The following KIFC3 variants were observed in gnomAD, a reference collection of about 807,000 sequenced individuals.
The protein encoded by KIFC3 is kinesin family member C3, also known as kinesin-like protein KIFC3.
A neutral mutation model predicts 101.8 loss-of-function variants in KIFC3; 60 were observed. The ratio of observed to expected loss-of-function variants is 0.59; its 90% CI spans 0.48 to 0.73. The LOEUF is 0.73. Among genes scored for constraint, KIFC3 ranks in the 30% least tolerant of loss-of-function variants. KIFC3 has a pLI of 0.00. For synonymous variants in KIFC3, 476 were observed against 482.7 expected (o/e 0.99, Z 0.18); for missense variants, 966 against 1,137.1 (o/e 0.85, Z 2.16).
chr16:57,768,533 A>ACACACACACACACGCACG (rs782552995), intron 9 of KIFC3, among the ~76,000 whole-genome samples: 1 of 151,582 alleles, frequency 6.6e-6, no homozygotes, highest in African/African-American at 2.4e-5. Flanking sequence ...ACACACACAC[A>ACACACACACACACGCACG]CACGCACAAT....
At chr16:57,778,862 G>A (rs1301166856) in intron 3 of KIFC3, among the ~76,000 whole-genome samples, 1 of 152,118 alleles carries the variant, frequency 6.6e-6, no homozygotes, top group African/African-American at 2.4e-5. Flanking sequence ...ACCATGAACG[G>A]CCACTGCACT....
chr16:57,855,130 T>C (rs1381436019), intron 1 of KIFC3, among the ~76,000 whole-genome samples: 501 of 149,796 alleles, frequency 3.3e-3, no homozygotes, highest in African/African-American at 0.011. Flanking sequence ...TTTTTTTTTT[T>C]TTTTTTTTTT....
intron 1 of KIFC3, among the ~76,000 whole-genome samples, chr16:57,809,039 C>T (rs2055007483): frequency 6.6e-6 from 1 of 152,196 alleles, no homozygotes. Flanking sequence ...TGCCTGTAGT[C>T]CCAGCTTCTT....
chr16:57,758,985 G>A (rs1229625704), intron 19 of KIFC3, 76 bp from the exon 20 acceptor site: 1 of 1,541,488 alleles, frequency 6.5e-7, no homozygotes, highest in Non-Finnish European at 8.7e-7. Context: ...CCGAGAGCAG[G>A]AGGGAACCCA....
chr16:57,850,386 G>T (rs1364800466), intron 1 of KIFC3, among the ~76,000 whole-genome samples: 1 of 150,452 alleles, frequency 6.6e-6, no homozygotes, highest in Admixed American at 6.7e-5. Flanking sequence ...CTGGGGGAGA[G>T]AGTGAGACCC....
At chr16:57,822,474 G>A (rs1034139035) in intron 1 of KIFC3, among the ~76,000 whole-genome samples, 17 of 152,290 alleles carry the variant, frequency 1.1e-4, no homozygotes, top group Admixed American at 3.3e-4. Flanking sequence ...GGCTGAGGCA[G>A]GCGGCTCACT....
At chr16:57,778,052 G>A (rs1329264633) in intron 3 of KIFC3, among the ~76,000 whole-genome samples, 2 of 152,228 alleles carry the variant, frequency 1.3e-5, no homozygotes, top group Non-Finnish European at 2.9e-5. Flanking sequence ...GCCAAGGTAG[G>A]AGGAGTGCTC....
In KIFC3 at chr16:57,771,559, C is replaced by G. The variant is rs1555608375; in HGVS notation, c.509G>C (p.Gly170Ala). The change falls in exon 5 of 20, where the codon GGT becomes GCT. Residue 170 changes from glycine to alanine, a missense_variant. By Grantham distance (60) the Gly-to-Ala change is moderately conservative (BLOSUM62 0). Coordinates refer to ENST00000445690, the MANE Select transcript of KIFC3 (RefSeq NM_001130100.2). ...LRTKPAGPCP[G>A]CEHSQESAQL... ...TCTGCTCACCTGGCTGTGCTCACAACCTGGGCAGGGACCTGCTGGCTTTGT... is the reference window on the plus strand; with the variant it reads ...TCTGCTCACCTGGCTGTGCTCACAAGCTGGGCAGGGACCTGCTGGCTTTGT... The G allele has an allele frequency of 6.2e-7, 1 of 1,613,250 alleles. No homozygotes were observed. Among genetic ancestry groups the G allele is most frequent in the Admixed American group, 1.7e-5 (1 of 60,010 alleles).
At chr16:57,761,568 C>T in intron 13 of KIFC3, 32 bp from the exon 14 acceptor site, 1 of 1,604,320 alleles carries the variant, frequency 6.2e-7, no homozygotes, top group Admixed American at 1.7e-5. Flanking sequence ...TCACCCCCTC[C>T]TCCCATTTCC....
chr16:57,797,683 C>G, intron 2 of KIFC3: 1 of 1,129,108 alleles, frequency 8.9e-7, no homozygotes, highest in Non-Finnish European at 1.1e-6. Flanking sequence ...GCGCTTGGTG[C>G]CCAGGCAGCC....
chr16:57,768,507 T>TCACACACACACACA (rs1384372811), intron 9 of KIFC3, among the ~76,000 whole-genome samples: 5 of 12,572 alleles, frequency 4.0e-4, no homozygotes, highest in South Asian at 2.2e-3. Flanking sequence ...TACCATATAT[T>TCACACACACACACA]CTCACACACA....
In KIFC3 at chr16:57,823,594, C is replaced by T. The variant is rs1261626073; in HGVS notation, c.109-25312G>A. Among the ~76,000 whole-genome samples, 4 of 152,202 alleles carry T rather than the reference C, an allele frequency of 2.6e-5. No homozygotes were observed. The East Asian group carries it at 7.7e-4, about 29-fold the overall frequency. The stretch of plus-strand genomic sequence containing the variant: ...TAAGAGGCATTATGTATGTACTGTA[C>T]TCTTAAACAATTTCAGAGGCAAGAG... On this transcript the variant is annotated intron_variant, in intron 1 of 2. Coordinates refer to the KIFC3 transcript ENST00000563028.
chr16:57,762,417 G>T, intron 12 of KIFC3, 147 bp from the exon 13 acceptor site: 1 of 796,070 alleles, frequency 1.3e-6, no homozygotes, highest in Non-Finnish European at 1.9e-6. Flanking sequence ...CCCCCAAAAT[G>T]CCCTCCACCA....
intron 3 of KIFC3, chr16:57,779,248 G>A (rs2052457123): frequency 6.6e-6 from 1 of 152,164 alleles, no homozygotes; most frequent in Non-Finnish European, 1.5e-5. Context: ...ATATTACTCA[G>A]CCTTAAAAAG....
chr16:57,815,532 T>C, intron 1 of KIFC3: 1 of 1,285,726 alleles, frequency 7.8e-7, no homozygotes, highest in South Asian at 1.2e-5. Flanking sequence ...CTGACTCTTC[T>C]ACCAGGATGC....
At position 57,818,089 on chromosome 16, in the gene KIFC3, C is replaced by T. The variant is rs540466816; in HGVS notation, c.109-19807G>A. 4.0e-5 allele frequency among the ~76,000 whole-genome samples: 6 copies of T among 151,656 alleles called. No individual in the cohort carries two copies. The South Asian group carries it at 6.3e-4, about 16-fold the overall frequency. ...TTTTGCCCAGGCTGGAGTGCAGTGG[C>T]GTGATCTCTGCTCACTGCACCCTCC... On this transcript the variant is annotated intron_variant, in intron 1 of 2. Coordinates refer to the KIFC3 transcript ENST00000563028.
At position 57,761,434 on chromosome 16, in the gene KIFC3, C is replaced by T; in HGVS notation, c.1851G>A (p.Gln617=). The T allele has an allele frequency of 6.2e-7, 1 of 1,614,086 alleles. No homozygotes were observed. Among genetic ancestry groups the T allele is most frequent in the Non-Finnish European group, 8.5e-7 (1 of 1,179,948 alleles). Residue 617 remains glutamine, a synonymous_variant, in exon 14 of 20, where the codon CAG becomes CAA. Transcript: ENST00000445690. ...ACACCTTGTTGATGTCGTCCACGCT[C>T]TGCACTTGGAACTCAGTCAGCCCTG... ...YVPGLTEFQV[Q]SVDDINKVFE... is the part of the protein sequence containing the mutation.
intron 1 of KIFC3, among the ~76,000 whole-genome samples, chr16:57,837,642 C>T (rs2055723232): frequency 6.6e-6 from 1 of 151,672 alleles, no homozygotes; most frequent in Non-Finnish European, 1.5e-5. Flanking sequence ...TTTCATTTTC[C>T]CAGCATTTGT....
In KIFC3 at chr16:57,772,294, G is replaced by A. The variant is rs370001312; in HGVS notation, c.316-6C>T. The A allele has an allele frequency of 3.7e-6, 6 of 1,613,420 alleles. No homozygotes were observed. The highest frequency in any genetic ancestry group is 4.2e-6 in the Non-Finnish European group (5 of 1,179,654). ...TTCTCCTTCAGGTGTTCTACCTGTG[G>A]GCACAGAGTCAGGAGCAAGGTGAGC... On this transcript the variant is annotated splice_region_variant and splice_polypyrimidine_tract_variant and intron_variant, in intron 3 of 19. Transcript: ENST00000445690.
Sources: allele counts gnomAD v4.1 joint callset (sites outside exome capture counted in the v4.1 genomes callset), GRCh38; gene constraint gnomAD v4.1.1; transcripts MANE v1.5; gene names NCBI Gene and HGNC (gene_info 2026-07-23, HGNC 2026-07-21).